SETBP1: variants seen among roughly 807,000 people sequenced by gnomAD.
The protein encoded by SETBP1 is SET-binding protein.
Under a neutral mutation model 101.0 loss-of-function variants are expected in SETBP1, and 9 were observed. That is an observed-to-expected ratio of 0.09 (90% CI 0.05 to 0.16). The LOEUF is 0.16. Among genes scored for constraint, SETBP1 ranks in the 10% least tolerant of loss-of-function variants. The pLI is 1.00. For synonymous variants in SETBP1, 818 were observed against 788.5 expected (o/e 1.04, Z -0.63); for missense variants, 1,858 against 2,033.8 (o/e 0.91, Z 1.66).
intron 2 of SETBP1, among the ~76,000 whole-genome samples, chr18:44,792,768 A>T (rs1046680196): frequency 6.6e-6 from 1 of 152,130 alleles, no homozygotes. Context: ...AAGGAGAACA[A>T]CCTGAATACC....
At chr18:45,035,188 T>G (rs760847382) in intron 4 of SETBP1, among the ~76,000 whole-genome samples, 4 of 152,234 alleles carry the variant, frequency 2.6e-5, no homozygotes, top group Non-Finnish European at 5.9e-5. Flanking sequence ...GATTAGCATT[T>G]GTTTAAAGCT....
chr18:45,010,577 A>G (rs547199669), intron 4 of SETBP1, among the ~76,000 whole-genome samples: 12 of 152,348 alleles, frequency 7.9e-5, no homozygotes, highest in African/African-American at 2.9e-4. Context: ...TTTCCAAAAC[A>G]TAATGCTGAG....
chr18:44,997,098 A>C (rs573306544), intron 4 of SETBP1, among the ~76,000 whole-genome samples: 14 of 152,284 alleles, frequency 9.2e-5, no homozygotes, highest in Non-Finnish European at 2.1e-4. Flanking sequence ...AGAGAGTTGA[A>C]GTGTAGGTCT....
At chr18:44,965,744 A>G (rs911439314) in intron 4 of SETBP1, among the ~76,000 whole-genome samples, 1 of 152,134 alleles carries the variant, frequency 6.6e-6, no homozygotes, top group African/African-American at 2.4e-5. Flanking sequence ...TTATTTTTGA[A>G]TTTCAACTGT....
At chr18:45,006,799 G>A (rs935041181) in intron 4 of SETBP1, among the ~76,000 whole-genome samples, 2 of 152,114 alleles carry the variant, frequency 1.3e-5, no homozygotes, top group Non-Finnish European at 2.9e-5. Context: ...TTTTTAGGGG[G>A]ACACAATTCA....
intron 5 of SETBP1, 111 bp downstream of exon 5, chr18:45,038,766 C>T (rs544879565): frequency 1.1e-5 from 13 of 1,136,120 alleles, no homozygotes; most frequent in Non-Finnish European, 1.7e-5. Context: ...TTGCCATCCT[C>T]CCCTAGACTC....
intron 1 of SETBP1, among the ~76,000 whole-genome samples, chr18:44,682,255 G>A (rs1187489468): frequency 6.6e-6 from 1 of 152,192 alleles, no homozygotes. Flanking sequence ...TGTGTCGTGG[G>A]AGAAAGGGGA....
At chr18:44,995,393 G>T (rs191357413) in intron 4 of SETBP1, among the ~76,000 whole-genome samples, 3 of 151,852 alleles carry the variant, frequency 2.0e-5, no homozygotes, top group African/African-American at 4.8e-5. Flanking sequence ...TGCCCACCTC[G>T]GCCTCCCTAA....
At chr18:44,692,948 G>A (rs2068958483) in intron 1 of SETBP1, among the ~76,000 whole-genome samples, 1 of 152,166 alleles carries the variant, frequency 6.6e-6, no homozygotes, top group Admixed American at 6.5e-5. Context: ...GGTAAAATGT[G>A]ATCAGGAACT....
chr18:44,817,375 A>G (rs188912215), intron 2 of SETBP1, among the ~76,000 whole-genome samples: 1 of 152,218 alleles, frequency 6.6e-6, no homozygotes, highest in Non-Finnish European at 1.5e-5. Context: ...CTCCACGCAG[A>G]ACACAGGCAA....
chr18:44,890,360 T>A (rs979585949), intron 3 of SETBP1, among the ~76,000 whole-genome samples: 1 of 152,168 alleles, frequency 6.6e-6, no homozygotes, highest in Non-Finnish European at 1.5e-5. Flanking sequence ...ATAAAGGGGC[T>A]GTTAGTTCTG....
In SETBP1 at chr18:45,038,772, G is replaced by A. The variant is rs180994765; in HGVS notation, c.4171+117G>A. On this transcript the variant is annotated intron_variant, in intron 5 of 5. Coordinates refer to ENST00000649279, the MANE Select transcript of SETBP1 (RefSeq NM_015559.3). ...TTCTCTGTTTTGCCATCCTCCCCTAGACTCTGAACATGGGAGCCGTTTCAG... is the reference window on the plus strand; with the variant it reads ...TTCTCTGTTTTGCCATCCTCCCCTAAACTCTGAACATGGGAGCCGTTTCAG... 2.0e-3 allele frequency: 2,102 copies of A among 1,070,484 alleles called. 3 individuals carry two copies. Among genetic ancestry groups the A allele is most frequent in the Non-Finnish European group, 2.6e-3 (1,852 of 719,986 alleles). The allele number at this position is 1,070,484 out of a possible 1,614,324, so 66.3% of individuals were successfully genotyped here.
intron 4 of SETBP1, among the ~76,000 whole-genome samples, chr18:45,030,778 G>T (rs1410139689): frequency 1.3e-5 from 2 of 151,122 alleles, no homozygotes; most frequent in Admixed American, 1.3e-4. Context: ...ATTTCTTCTA[G>T]ATTTTCTAGT....
chr18:44,965,284 A>AACACACACACAC (rs60728043), intron 4 of SETBP1, among the ~76,000 whole-genome samples: 8,812 of 147,002 alleles, frequency 0.06, 368 homozygotes, highest in East Asian at 0.25. Context: ...CATGCACACA[A>AACACACACACAC]ACACACACAC....
At chr18:44,693,360 C>T (rs1371781279) in intron 1 of SETBP1, among the ~76,000 whole-genome samples, 3 of 152,016 alleles carry the variant, frequency 2.0e-5, no homozygotes, top group Admixed American at 2.0e-4. Context: ...GTGGAGAAGG[C>T]AGAGTTTGAA....
intron 2 of SETBP1, among the ~76,000 whole-genome samples, chr18:44,856,957 G>A (rs1347351194): frequency 6.6e-6 from 1 of 152,094 alleles, no homozygotes; most frequent in Non-Finnish European, 1.5e-5. Context: ...CAAATTATGA[G>A]CCTCCCTCAC....
chr18:44,937,152 C>T (rs768331520), intron 3 of SETBP1, among the ~76,000 whole-genome samples: 26 of 152,148 alleles, frequency 1.7e-4, no homozygotes, highest in Non-Finnish European at 3.2e-4. Flanking sequence ...TCAACTCCCC[C>T]TTTAAGATAG....
intron 2 of SETBP1, among the ~76,000 whole-genome samples, chr18:44,810,485 C>T (rs2071838318): frequency 6.6e-6 from 1 of 152,200 alleles, no homozygotes; most frequent in Admixed American, 6.5e-5. Context: ...TCCTGGTGTC[C>T]ATTCACAGTC....
chr18:44,765,074 G>A (rs2070736781), intron 2 of SETBP1, among the ~76,000 whole-genome samples: 1 of 152,280 alleles, frequency 6.6e-6, no homozygotes, highest in African/African-American at 2.4e-5. Context: ...CCACAGCAAA[G>A]GAAAGCCCTT....
Sources: allele counts gnomAD v4.1 joint callset (sites outside exome capture counted in the v4.1 genomes callset), GRCh38; gene constraint gnomAD v4.1.1; transcripts MANE v1.5; gene names NCBI Gene and HGNC (gene_info 2026-07-23, HGNC 2026-07-21).